Variants in KIAA1217 observed in about 807,000 individuals in gnomAD.
KIAA1217 encodes sickle tail protein homolog.
A neutral mutation model predicts 163.9 loss-of-function variants in KIAA1217; 88 were observed. That is an observed-to-expected ratio of 0.54 (90% confidence interval 0.45 to 0.64). KIAA1217 has a LOEUF of 0.64. Among genes scored for constraint, KIAA1217 ranks in the 30% least tolerant of loss-of-function variants. KIAA1217 has a pLI of 0.00. For missense variants in KIAA1217, 2,372 were observed against 2,475.0 expected (o/e 0.96, Z 0.88); for synonymous variants, 903 against 923.1 (o/e 0.98, Z 0.39).
At chr10:24,483,535 G>T (rs2064972449) in intron 6 of KIAA1217, among the ~76,000 whole-genome samples, 1 of 152,154 alleles carries the variant, frequency 6.6e-6, no homozygotes, top group East Asian at 1.9e-4. Flanking sequence ...ACCAAATATA[G>T]CAAATGTTTT....
At chr10:23,764,656 AAG>A (rs1433101496) in intron 1 of KIAA1217, among the ~76,000 whole-genome samples, 1 of 152,220 alleles carries the variant, frequency 6.6e-6, no homozygotes, top group Non-Finnish European at 1.5e-5. Flanking sequence ...GACATGGATG[AAG>A]CTGGAAGCCA....
At chr10:24,301,868 A>C (rs1469364705) in intron 2 of KIAA1217, among the ~76,000 whole-genome samples, 1 of 152,022 alleles carries the variant, frequency 6.6e-6, no homozygotes, top group Non-Finnish European at 1.5e-5. Context: ...AATGTGGTGA[A>C]ACCCTGTATC....
At chr10:24,120,692 A>G (rs926133414) in intron 2 of KIAA1217, among the ~76,000 whole-genome samples, 3 of 152,178 alleles carry the variant, frequency 2.0e-5, no homozygotes, top group Admixed American at 6.5e-5. Flanking sequence ...CTAAATGAGA[A>G]TGTGCCTTAT....
intron 2 of KIAA1217, among the ~76,000 whole-genome samples, chr10:24,265,278 A>G (rs1247173085): frequency 6.6e-6 from 1 of 152,180 alleles, no homozygotes; most frequent in Non-Finnish European, 1.5e-5. Context: ...GTGGTTTCAG[A>G]TCCACAGACA....
At chr10:24,289,491 A>G (rs951208048) in intron 2 of KIAA1217, among the ~76,000 whole-genome samples, 3 of 152,088 alleles carry the variant, frequency 2.0e-5, no homozygotes, top group Non-Finnish European at 4.4e-5. Flanking sequence ...CCAATGATGG[A>G]AGATCGCAGT....
At chr10:23,704,172 G>GTGTGTATATA (rs1229370789) in intron 1 of KIAA1217, among the ~76,000 whole-genome samples, 59 of 39,924 alleles carry the variant, frequency 1.5e-3, no homozygotes, top group South Asian at 3.7e-3. Context: ...GTGTGTGTGT[G>GTGTGTATATA]TATATATATA....
chr10:23,866,185 C>G (rs148137318), intron 1 of KIAA1217, among the ~76,000 whole-genome samples: 66 of 152,192 alleles, frequency 4.3e-4, no homozygotes, highest in African/African-American at 1.6e-3. Flanking sequence ...TGGCTGCATT[C>G]TATGATGTGT....
intron 1 of KIAA1217, among the ~76,000 whole-genome samples, chr10:23,736,168 A>G (rs1161168598): frequency 6.6e-6 from 1 of 152,190 alleles, no homozygotes; most frequent in Non-Finnish European, 1.5e-5. Flanking sequence ...TGCACATGTT[A>G]TTTAGGAAAT....
At chr10:24,531,130 C>T (rs965926076) in intron 14 of KIAA1217, among the ~76,000 whole-genome samples, 3 of 151,998 alleles carry the variant, frequency 2.0e-5, no homozygotes, top group South Asian at 2.1e-4. Context: ...ACCTGAGCCC[C>T]GGAGGCTGAG....
intron 1 of KIAA1217, among the ~76,000 whole-genome samples, chr10:23,832,294 C>A (rs1447763898): frequency 1.3e-5 from 2 of 152,158 alleles, no homozygotes; most frequent in African/African-American, 4.8e-5. Flanking sequence ...GATGCAGATA[C>A]CTCAGATGAA....
chr10:23,710,387 A>G (rs1837175682), intron 1 of KIAA1217, among the ~76,000 whole-genome samples: 1 of 152,240 alleles, frequency 6.6e-6, no homozygotes, highest in Non-Finnish European at 1.5e-5. Context: ...GTTGTCACCA[A>G]GGACACTTCT....
intron 1 of KIAA1217, among the ~76,000 whole-genome samples, chr10:23,949,553 A>G (rs1589130771): frequency 6.6e-6 from 1 of 152,104 alleles, no homozygotes; most frequent in Middle Eastern, 3.4e-3. Context: ...CATAAATTTT[A>G]TTTGCTAGAA....
intron 5 of KIAA1217, among the ~76,000 whole-genome samples, chr10:24,458,798 C>T (rs1035120981): frequency 6.6e-6 from 1 of 152,084 alleles, no homozygotes; most frequent in African/African-American, 2.4e-5. Flanking sequence ...ATTTAATTGA[C>T]AATATTTATA....
chr10:24,314,813 A>G (rs1256357531), intron 2 of KIAA1217, among the ~76,000 whole-genome samples: 1 of 152,072 alleles, frequency 6.6e-6, no homozygotes, highest in African/African-American at 2.4e-5. Flanking sequence ...GCGTGGTGGC[A>G]GGCCCCTGTA....
At chr10:24,026,865 T>C (rs1847977547) in intron 2 of KIAA1217, among the ~76,000 whole-genome samples, 1 of 151,402 alleles carries the variant, frequency 6.6e-6, no homozygotes, top group South Asian at 2.1e-4. Context: ...CTAGCATAAA[T>C]AGTTATGGTA....
intron 1 of KIAA1217, among the ~76,000 whole-genome samples, chr10:23,763,686 TG>T (rs1394175612): frequency 6.6e-6 from 1 of 152,178 alleles, no homozygotes; most frequent in African/African-American, 2.4e-5. Context: ...GACATAAGCA[TG>T]GGCGAAGACT....
intron 2 of KIAA1217, among the ~76,000 whole-genome samples, chr10:24,183,874 G>T (rs10828615): frequency 0.014 from 2,064 of 152,176 alleles, 49 homozygotes; most frequent in Non-Finnish European, 0.016. Flanking sequence ...TAAGACAACT[G>T]CCAGGTCTCT....
chr10:23,696,365 C>T (rs1836043527), intron 1 of KIAA1217, among the ~76,000 whole-genome samples: 1 of 152,226 alleles, frequency 6.6e-6, no homozygotes, highest in Non-Finnish European at 1.5e-5. Context: ...GCTAAGGCAT[C>T]TTCTCCGAGA....
chr10:23,755,799 C>T (rs764522738), intron 1 of KIAA1217, among the ~76,000 whole-genome samples: 23 of 152,264 alleles, frequency 1.5e-4, no homozygotes, highest in Non-Finnish European at 2.8e-4. Flanking sequence ...CTCAAGTAAG[C>T]ATCTATGCCT....
Sources: allele counts gnomAD v4.1 joint callset (sites outside exome capture counted in the v4.1 genomes callset), GRCh38; gene constraint gnomAD v4.1.1; transcripts MANE v1.5; gene names NCBI Gene and HGNC (gene_info 2026-07-23, HGNC 2026-07-21).